The following SLC22A3 variants were observed in gnomAD, a reference collection of about 807,000 sequenced individuals.
SLC22A3 encodes the protein EMT organic cation transporter 3.
SLC22A3 carries 51 observed loss-of-function variants against 59.1 expected under a neutral mutation model. The observed-to-expected ratio is 0.86, with a 90% CI of 0.69 to 1.09. The LOEUF (loss-of-function observed/expected upper bound fraction) is 1.09. Ranked by LOEUF, SLC22A3 falls within the 50% of genes least tolerant of loss-of-function variation. The probability of loss-of-function intolerance (pLI) is 0.00; values close to 1 mark genes in which losing one functional copy is unlikely to be tolerated. For missense variants in SLC22A3, 711 were observed against 726.3 expected (o/e 0.98, Z 0.24); for synonymous variants, 325 against 292.0 (o/e 1.11, Z -1.15).
At chr6:160,428,036 T>A (rs1788025739) in intron 5 of SLC22A3, among the ~76,000 whole-genome samples, 1 of 152,192 alleles carries the variant, frequency 6.6e-6, no homozygotes, top group African/African-American at 2.4e-5. Flanking sequence ...TACATTCTCT[T>A]CTTTTTTCCT....
chr6:160,437,646 T>C (rs1345227618), intron 7 of SLC22A3, among the ~76,000 whole-genome samples: 1 of 152,208 alleles, frequency 6.6e-6, no homozygotes, highest in Non-Finnish European at 1.5e-5. Flanking sequence ...TACTTTAATA[T>C]TGTCACGATT....
intron 1 of SLC22A3, among the ~76,000 whole-genome samples, chr6:160,383,206 TAGAG>T (rs879736924): frequency 6.6e-6 from 1 of 152,330 alleles, no homozygotes; most frequent in East Asian, 1.9e-4. Flanking sequence ...TAACTGTACT[TAGAG>T]AGAGGTTCTT....
chr6:160,360,231 G>A (rs914043636), intron 1 of SLC22A3, among the ~76,000 whole-genome samples: 1 of 152,154 alleles, frequency 6.6e-6, no homozygotes, highest in African/African-American at 2.4e-5. Context: ...GCCAAGGTGG[G>A]TGGATCACCT....
intron 5 of SLC22A3, among the ~76,000 whole-genome samples, chr6:160,427,262 G>A (rs2114896308): frequency 6.6e-6 from 1 of 152,294 alleles, no homozygotes; most frequent in South Asian, 2.1e-4. Flanking sequence ...CTGAGAAAAG[G>A]GATGGAGGAA....
chr6:160,429,216 A>G (rs1358140268), intron 5 of SLC22A3, among the ~76,000 whole-genome samples: 1 of 152,230 alleles, frequency 6.6e-6, no homozygotes, highest in Non-Finnish European at 1.5e-5. Flanking sequence ...CTTCTTAGAG[A>G]TGAAAAGTTT....
At chr6:160,450,639 T>C (rs1171773520) in intron 10 of SLC22A3, among the ~76,000 whole-genome samples, 1 of 152,154 alleles carries the variant, frequency 6.6e-6, no homozygotes. Context: ...CATATTAAAA[T>C]GAAATATTCA....
chr6:160,361,457 C>T (rs1484360970), intron 1 of SLC22A3, among the ~76,000 whole-genome samples: 1 of 152,196 alleles, frequency 6.6e-6, no homozygotes, highest in East Asian at 1.9e-4. Flanking sequence ...TAGAGCCATG[C>T]TACTCTAATC....
chr6:160,420,616 G>T (rs1787689333), intron 5 of SLC22A3, among the ~76,000 whole-genome samples: 1 of 152,204 alleles, frequency 6.6e-6, no homozygotes, highest in Non-Finnish European at 1.5e-5. Flanking sequence ...TGTCCAGCAG[G>T]GTGGCCAACT....
chr6:160,403,930 T>C (rs1389593354), intron 2 of SLC22A3, among the ~76,000 whole-genome samples: 1 of 151,992 alleles, frequency 6.6e-6, no homozygotes, highest in African/African-American at 2.4e-5. Context: ...TGATAAGGAA[T>C]GTCTATTAAA....
chr6:160,421,652 C>T (rs1249387452), intron 5 of SLC22A3, among the ~76,000 whole-genome samples: 1 of 152,164 alleles, frequency 6.6e-6, no homozygotes, highest in East Asian at 1.9e-4. Context: ...GCCACACGGG[C>T]TTGTTTTATT....
rs185406890 is a variant in SLC22A3 at position 160,429,638 on chromosome 6, C to T, written c.976-7142C>T. Among the ~76,000 whole-genome samples, 26 of 152,210 alleles carry T rather than the reference C, an allele frequency of 1.7e-4. 1 individual carries two copies. Among genetic ancestry groups the T allele is most frequent in the African/African-American group, 5.8e-4 (24 of 41,506 alleles). On this transcript the variant is annotated intron_variant, in intron 5 of 10. Transcript: ENST00000275300. ...GCAGATTCTCTCTCTAGATCTGGGG[C>T]GGGGCTTGTTCAGCAGGCTCCCAGG... is the stretch of plus-strand genomic sequence containing the variant.
At chr6:160,411,159 C>A (rs191341340) in intron 5 of SLC22A3, among the ~76,000 whole-genome samples, 1 of 152,108 alleles carries the variant, frequency 6.6e-6, no homozygotes, top group South Asian at 2.1e-4. Flanking sequence ...TTAATAATTG[C>A]ACCAAGTTAC....
chr6:160,371,966 T>G (rs1785414055), intron 1 of SLC22A3, among the ~76,000 whole-genome samples: 1 of 152,212 alleles, frequency 6.6e-6, no homozygotes, highest in Admixed American at 6.5e-5. Context: ...GTTGGCCGGA[T>G]AAATGTCTTC....
intron 1 of SLC22A3, among the ~76,000 whole-genome samples, chr6:160,366,511 G>T (rs566747101): frequency 3.9e-5 from 6 of 152,174 alleles, no homozygotes; most frequent in Non-Finnish European, 8.8e-5. Flanking sequence ...GGTGCAAGCT[G>T]TCAGTGAATC....
chr6:160,423,972 T>C (rs1787853520), intron 5 of SLC22A3, among the ~76,000 whole-genome samples: 1 of 152,270 alleles, frequency 6.6e-6, no homozygotes, highest in Admixed American at 6.5e-5. Context: ...ATTTAAGTCT[T>C]TAATCCATCT....
intron 2 of SLC22A3, among the ~76,000 whole-genome samples, chr6:160,402,586 A>AT (rs1786828568): frequency 6.6e-6 from 1 of 151,792 alleles, no homozygotes; most frequent in Non-Finnish European, 1.5e-5. Flanking sequence ...CAGACTTAAC[A>AT]TTTTTTTCAA....
At chr6:160,433,234 CAT>C (rs1237926482) in intron 5 of SLC22A3, among the ~76,000 whole-genome samples, 1 of 152,172 alleles carries the variant, frequency 6.6e-6, no homozygotes, top group African/African-American at 2.4e-5. Flanking sequence ...CAAAATCTAA[CAT>C]GTCATAATTC....
chr6:160,383,803 AAT>A (rs199669288), intron 1 of SLC22A3, among the ~76,000 whole-genome samples: 1 of 152,084 alleles, frequency 6.6e-6, no homozygotes, highest in African/African-American at 2.4e-5. Context: ...AGCAAAAAAA[AAT>A]ATATAAATAA....
chr6:160,349,802 C>T (rs961138999), intron 1 of SLC22A3, among the ~76,000 whole-genome samples: 3 of 152,160 alleles, frequency 2.0e-5, no homozygotes, highest in African/African-American at 7.2e-5. Flanking sequence ...TTTTACTGAG[C>T]TTTGTCTACA....
Sources: allele counts gnomAD v4.1 joint callset (sites outside exome capture counted in the v4.1 genomes callset), GRCh38; gene constraint gnomAD v4.1.1; transcripts MANE v1.5; gene names NCBI Gene and HGNC (gene_info 2026-07-23, HGNC 2026-07-21).